PTH1R: variants seen among roughly 807,000 people sequenced by gnomAD.
The protein encoded by PTH1R is parathyroid hormone/parathyroid hormone-related peptide receptor.
A neutral mutation model predicts 70.7 loss-of-function variants in PTH1R; 32 were observed. That is an observed-to-expected ratio of 0.45 (90% CI 0.34 to 0.61). PTH1R has a LOEUF of 0.61. PTH1R is among the 20% of genes least tolerant of loss of function. The probability of loss-of-function intolerance (pLI) is 0.01; values close to 1 mark genes in which losing one functional copy is unlikely to be tolerated. For missense variants in PTH1R, 626 were observed against 792.5 expected, an observed-to-expected ratio of 0.79 and a Z score of 2.52; for synonymous variants, 329 against 324.8, an observed-to-expected ratio of 1.01 and a Z score of -0.14.
intron 1 of PTH1R, among the ~76,000 whole-genome samples, chr3:46,880,795 T>A (rs571744284): frequency 6.6e-6 from 1 of 152,148 alleles, no homozygotes; most frequent in Admixed American, 6.5e-5. Context: ...ACATGGGGAA[T>A]GCACCTGGGA....
At chr3:46,878,833 T>C (rs2106937397) in intron 1 of PTH1R, among the ~76,000 whole-genome samples, 2 of 152,158 alleles carry the variant, frequency 1.3e-5, no homozygotes, top group Middle Eastern at 6.8e-3. Context: ...AGTTCTGAGA[T>C]CCAGTGACCA....
chr3:46,883,271 T>A lies in PTH1R; in HGVS notation c.-48-241T>A, dbSNP rs1326086280. On this transcript the variant is annotated intron_variant, in intron 2 of 15. Transcript: ENST00000449590. The surrounding 1 kb of genome is among the most constrained non-coding windows in gnomAD (Gnocchi z 6.4). Reference sequence around the variant, plus strand: ...CTTCGCTCCGAGGCAGACGGGCCGCTCCGCAGCGCTCGGCGCCCGCCCGCC... The same window carrying A: ...CTTCGCTCCGAGGCAGACGGGCCGCACCGCAGCGCTCGGCGCCCGCCCGCC... 3.7e-6 allele frequency: 1 copy of A among 267,924 alleles called. No individual in the cohort carries two copies. The highest frequency in any genetic ancestry group is 5.4e-5 in the Admixed American group (1 of 18,524). The allele number at this position is 267,924 out of a possible 1,614,324, so 16.6% of individuals were successfully genotyped here.
Position 46,892,180 on chromosome 3 carries a change from G to A in PTH1R, c.76-1727G>A, listed in dbSNP as rs2031454112. 1.3e-5 allele frequency among the ~76,000 whole-genome samples: 2 copies of A among 152,184 alleles called. No homozygotes were observed. The highest frequency in any genetic ancestry group is 1.3e-4 in the Admixed American group (2 of 15,282). ...GCCAGCCGCCAGCACGTGAGGATCT[G>A]CTCCAGCCCTTCCTGGGGTCCATAG... On this transcript the variant is annotated intron_variant, in intron 3 of 15. Transcript: ENST00000449590. The surrounding 1 kb of genome is among the most constrained non-coding windows in gnomAD (Gnocchi z 5.2).
Position 46,901,581 on chromosome 3 carries a change from C to A in PTH1R, c.1116+101C>A. ...GGGACCTAGGAGGCTTCCCTGGACCCCAGTGTCAGAGCTACAGAGGCCGGA... is the reference window on the plus strand; with the variant it reads ...GGGACCTAGGAGGCTTCCCTGGACCACAGTGTCAGAGCTACAGAGGCCGGA... On this transcript the variant is annotated intron_variant, in intron 12 of 15. Transcript: ENST00000449590. The surrounding 1 kb of genome is among the most constrained non-coding windows in gnomAD (Gnocchi z 7.3). The A allele has an allele frequency of 1.4e-6, 2 of 1,435,536 alleles. No individual in the cohort carries two copies. Among genetic ancestry groups the A allele is most frequent in the South Asian group, 1.2e-5 (1 of 80,540 alleles). The allele number at this position is 1,435,536 out of a possible 1,614,324, so 88.9% of individuals were successfully genotyped here.
Position 46,883,697 on chromosome 3 carries a change from A to G in PTH1R, c.75+63A>G. The G allele has an allele frequency of 6.5e-7, 1 of 1,531,700 alleles. No individual in the cohort carries two copies. The highest frequency in any genetic ancestry group is 8.8e-7 in the Non-Finnish European group (1 of 1,136,782). 94.9% of individuals were successfully genotyped at this position (1,531,700 alleles called of 1,614,324 possible). On this transcript the variant is annotated intron_variant, in intron 3 of 15. Coordinates refer to ENST00000449590, the MANE Select transcript of PTH1R (RefSeq NM_000316.3). The surrounding 1 kb of genome is among the most constrained non-coding windows in gnomAD (Gnocchi z 6.4). ...GGGCTTACCCTAGGGTCCGCGGGAT[A>G]GGTCTAAGGCACGCAGTCTTGAGTT...
intron 7 of PTH1R, 26 bp from the exon 8 acceptor site, chr3:46,898,352 A>G: frequency 6.2e-7 from 1 of 1,609,738 alleles, no homozygotes; most frequent in Non-Finnish European, 8.5e-7. Flanking sequence ...CAGGGCTCTG[A>G]CTGTGTCTCC....
intron 3 of PTH1R, among the ~76,000 whole-genome samples, chr3:46,888,660 C>T (rs974274474): frequency 6.6e-6 from 1 of 152,248 alleles, no homozygotes; most frequent in Non-Finnish European, 1.5e-5. Context: ...AGCCCCAACT[C>T]TGGGGCCAGT....
chr3:46,898,787 G>C lies in PTH1R; in HGVS notation c.764G>C (p.Arg255Pro). ...GGCGCCACGCTTGATGAGGCTGAGC[G>C]CCTCACCGAGGAGGAGCTGCGCGCC... ...YSGATLDEAE[R>P]LTEEELRAIA... Residue 255 changes from arginine (R) to proline (P), a missense_variant, in exon 9 of 16, where the codon CGC (arginine) becomes CCC (proline). Arg to Pro is a moderately radical substitution (Grantham distance 103, BLOSUM62 -2). Around this residue, in one of 3 missense-constraint regions of PTH1R, gnomAD observed 495 missense variants for 638.7 expected, o/e 0.77. Coordinates refer to ENST00000449590, the MANE Select transcript of PTH1R (RefSeq NM_000316.3). The C allele has an allele frequency of 6.3e-7, 1 of 1,599,808 alleles. No homozygotes were observed. The highest frequency in any genetic ancestry group is 8.5e-7 in the Non-Finnish European group (1 of 1,177,358).
At chr3:46,897,783 A>G (rs747178851) in intron 5 of PTH1R, 72 bp from the exon 6 acceptor site, 1 of 1,317,448 alleles carries the variant, frequency 7.6e-7, no homozygotes, top group Non-Finnish European at 1.1e-6. Context: ...AGATGTATTC[A>G]TCCTTCTGGG....
Position 46,903,063 on chromosome 3 carries a change from T to TA in PTH1R, c.1396-207_1396-206insA, listed in dbSNP as rs940674973. 3 of 1,084,394 alleles carry TA rather than the reference T, an allele frequency of 2.8e-6. No homozygotes were observed. The African/African-American group carries it at 4.7e-5, about 17-fold the overall frequency. The allele number at this position is 1,084,394 out of a possible 1,614,324, so 67.2% of individuals were successfully genotyped here. Reference sequence around the variant, plus strand: ...CCAGATTGGAGGACTCAGCCACCTTTGGGGCAATTTGAGCCTTGTAGATTC... The same window carrying TA: ...CCAGATTGGAGGACTCAGCCACCTTTAGGGGCAATTTGAGCCTTGTAGATTC... On this transcript the variant is annotated intron_variant, in intron 15 of 15. Transcript: ENST00000449590. This position sits in a 1 kb window ranked among gnomAD's most constrained non-coding sequence, Gnocchi z 4.4.
At chr3:46,895,955 C>T in intron 5 of PTH1R, 86 bp downstream of exon 5, 1 of 1,493,338 alleles carries the variant, frequency 6.7e-7, no homozygotes, top group Non-Finnish European at 9.1e-7. Context: ...TGAGCTCATG[C>T]TTCTTGGCTC....
At position 46,892,891 on chromosome 3, in the gene PTH1R, G is replaced by A. The variant is rs1366409361; in HGVS notation, c.76-1016G>A. ...GAGGAAACACGACCCTGAATTAAGA[G>A]GGATGGGGCTGAGGGCTTCACAGCC... On this transcript the variant is annotated intron_variant, in intron 3 of 15. Coordinates refer to ENST00000449590, the MANE Select transcript of PTH1R (RefSeq NM_000316.3). The surrounding 1 kb of genome is among the most constrained non-coding windows in gnomAD (Gnocchi z 5.2). The A allele has an allele frequency of 1.9e-5, 16 of 839,834 alleles. No homozygotes were observed. Among genetic ancestry groups the A allele is most frequent in the Non-Finnish European group, 2.3e-5 (16 of 696,594 alleles). 52.0% of individuals were successfully genotyped at this position (839,834 alleles called of 1,614,324 possible). A position where few individuals can be genotyped will look rare whatever the true frequency, so the allele number is the denominator to read the frequency against.
In PTH1R at chr3:46,893,702, A is replaced by G. The variant is rs939344485; in HGVS notation, c.76-205A>G. Reference sequence around the variant, plus strand: ...CCCTGCTTTTTCCCTTCGATCAGGCAGGCCCTACCCCTCAGAGCCACAGCT... The same window carrying G: ...CCCTGCTTTTTCCCTTCGATCAGGCGGGCCCTACCCCTCAGAGCCACAGCT... On this transcript the variant is annotated intron_variant, in intron 3 of 15. Transcript: ENST00000449590. The surrounding 1 kb of genome is among the most constrained non-coding windows in gnomAD (Gnocchi z 5.2). Among the ~76,000 whole-genome samples the G allele has an allele frequency of 6.6e-6, 1 of 152,164 alleles. No homozygotes were observed. Among genetic ancestry groups the G allele is most frequent in the African/African-American group, 2.4e-5 (1 of 41,436 alleles).
rs1166772026 is a variant in PTH1R, at chr3:46,903,448, C to A, written c.1574C>A (p.Thr525Asn). Residue 525 changes from threonine (T) to asparagine (N), a missense_variant, in exon 16 of 16, where the codon ACT (threonine) becomes AAT (asparagine). Transcript: ENST00000449590. The surrounding 1 kb of genome is among the most constrained non-coding windows in gnomAD (Gnocchi z 4.4). The part of the protein sequence containing the change: ...GLPLSPRLLP[T>N]ATTNGHPQLP... ...CCCCTCAGCCCCCGCCTACTGCCCACTGCCACCACCAACGGCCACCCTCAG... is the reference window on the plus strand; with the variant it reads ...CCCCTCAGCCCCCGCCTACTGCCCAATGCCACCACCAACGGCCACCCTCAG... 5 of 1,613,504 alleles carry A rather than the reference C, an allele frequency of 3.1e-6. No individual in the cohort carries two copies. The highest frequency in any genetic ancestry group is 2.7e-5 in the African/African-American group (2 of 74,950).
At chr3:46,898,579 A>G in intron 8 of PTH1R, 83 bp from the exon 9 acceptor site, 1 of 1,600,052 alleles carries the variant, frequency 6.2e-7, no homozygotes, top group South Asian at 1.1e-5. Context: ...GGGTGTCCCT[A>G]CCTACGGCGC....
Position 46,898,750 on chromosome 3 carries a change from G to A in PTH1R, c.727G>A (p.Val243Met), listed in dbSNP as rs1310043640. The A allele has an allele frequency of 1.2e-6, 2 of 1,609,346 alleles. No homozygotes were observed. The highest frequency in any genetic ancestry group is 1.7e-6 in the Non-Finnish European group (2 of 1,179,398). Residue 243 changes from valine to methionine, a missense_variant, in exon 9 of 16, where the codon GTG (valine) becomes ATG (methionine). Val to Met is a conservative substitution (Grantham distance 21, BLOSUM62 1). Around this residue, in one of 3 missense-constraint regions of PTH1R, gnomAD observed 495 missense variants for 638.7 expected, o/e 0.77. Coordinates refer to ENST00000449590, the MANE Select transcript of PTH1R (RefSeq NM_000316.3). ...RAVSIFVKDA[V>M]LYSGATLDEA... ...CGTGAGCATCTTCGTCAAGGACGCT[G>A]TGCTCTACTCTGGCGCCACGCTTGA...
In PTH1R at chr3:46,883,211, CG is replaced by C; in HGVS notation, c.-48-296del. 4.9e-6 allele frequency: 1 copy of C among 204,774 alleles called. No homozygotes were observed. Among genetic ancestry groups the C allele is most frequent in the Non-Finnish European group, 9.7e-6 (1 of 103,298 alleles). The allele number at this position is 204,774 out of a possible 1,614,324, so 12.7% of individuals were successfully genotyped here. On this transcript the variant is annotated intron_variant, in intron 2 of 15. Transcript: ENST00000449590. This position sits in a 1 kb window ranked among gnomAD's most constrained non-coding sequence, Gnocchi z 6.4. ...CGCGGGAGGGGGGCGGGGGGCGGGC[CG>C]GGGGCGGGGGGCCCGGCCATATGGA... is the stretch of plus-strand genomic sequence containing the variant.
chr3:46,900,012 C>T (rs910193138), intron 10 of PTH1R, among the ~76,000 whole-genome samples: 1 of 152,244 alleles, frequency 6.6e-6, no homozygotes, highest in African/African-American at 2.4e-5. Flanking sequence ...TCCCAGCCCC[C>T]CACAGGCTCT....
At position 46,902,278 on chromosome 3, in the gene PTH1R, C is replaced by G. The variant is rs1027055839; in HGVS notation, c.1212-248C>G. 6.6e-6 allele frequency among the ~76,000 whole-genome samples: 1 copy of G among 152,128 alleles called. No individual in the cohort carries two copies. The highest frequency in any genetic ancestry group is 1.5e-5 in the Non-Finnish European group (1 of 68,030). On this transcript the variant is annotated intron_variant, in intron 13 of 15. Coordinates refer to ENST00000449590, the MANE Select transcript of PTH1R (RefSeq NM_000316.3). This position sits in a 1 kb window ranked among gnomAD's most constrained non-coding sequence, Gnocchi z 5.4. ...TTGCCAGCTGAGGGCTCCACAGGTG[C>G]GAAGGGCCCAGGGACAGGGGGACTG... is the stretch of plus-strand genomic sequence containing the variant.
Sources: gnomAD v4.1 joint callset for allele counts (sites outside exome capture counted in the v4.1 genomes callset) on GRCh38, gnomAD v4.1.1 for gene constraint, gnomAD v4.1.1 regional missense constraint, Gnocchi (gnomAD v3.1) non-coding constraint, MANE v1.5 for transcripts, NCBI Gene and HGNC (gene_info 2026-07-23, HGNC 2026-07-21) for gene names.